SDK2: variants seen among roughly 807,000 people sequenced by gnomAD.
SDK2 encodes the protein protein sidekick-2.
SDK2 carries 105 observed loss-of-function variants against 253.9 expected under a neutral mutation model. The observed-to-expected ratio is 0.41, with a 90% CI of 0.35 to 0.49. The LOEUF (loss-of-function observed/expected upper bound fraction) is 0.49, where lower values mean the gene tolerates loss of function less well. Ranked by LOEUF, SDK2 falls within the 20% of genes least tolerant of loss-of-function variation. The pLI, the probability that SDK2 is intolerant of heterozygous loss-of-function variation, is 0.06. For missense variants in SDK2, 2,608 were observed against 3,003.0 expected, an observed-to-expected ratio of 0.87 and a Z score of 3.07; for synonymous variants, 1,249 against 1,234.9, an observed-to-expected ratio of 1.01 and a Z score of -0.24.
At chr17:73,634,990 A>T (rs1380772743) in intron 1 of SDK2, among the ~76,000 whole-genome samples, 5 of 143,506 alleles carry the variant, frequency 3.5e-5, no homozygotes, top group African/African-American at 1.3e-4. Context: ...TCAGGTTTCT[A>T]TTTTTTTTTT....
At chr17:73,624,188 T>C (rs1041920252) in intron 1 of SDK2, among the ~76,000 whole-genome samples, 2 of 152,244 alleles carry the variant, frequency 1.3e-5, no homozygotes, top group African/African-American at 2.4e-5. Context: ...GGCAAGCTGA[T>C]AGAACTGATA....
intron 1 of SDK2, among the ~76,000 whole-genome samples, chr17:73,556,376 G>C (rs1358748705): frequency 1.3e-5 from 2 of 152,064 alleles, no homozygotes; most frequent in African/African-American, 4.8e-5. Flanking sequence ...TCTTTGATTA[G>C]ACAGAGCTCA....
At chr17:73,617,642 C>A (rs1392638718) in intron 1 of SDK2, among the ~76,000 whole-genome samples, 1 of 152,160 alleles carries the variant, frequency 6.6e-6, no homozygotes, top group East Asian at 1.9e-4. Flanking sequence ...GATTTACCAA[C>A]CCCCTGCCAA....
intron 1 of SDK2, among the ~76,000 whole-genome samples, chr17:73,528,373 C>G (rs1331339944): frequency 1.3e-5 from 2 of 152,332 alleles, no homozygotes; most frequent in Non-Finnish European, 2.9e-5. Flanking sequence ...GTATGAAGAG[C>G]TTGCAATGTG....
intron 1 of SDK2, among the ~76,000 whole-genome samples, chr17:73,522,548 G>A (rs2064089852): frequency 6.6e-6 from 1 of 152,256 alleles, no homozygotes; most frequent in Admixed American, 6.5e-5. Context: ...TAGCCCATCT[G>A]TGGTAGAGGA....
At chr17:73,405,180 C>T (rs1261414686) in intron 18 of SDK2, among the ~76,000 whole-genome samples, 12 of 147,786 alleles carry the variant, frequency 8.1e-5, no homozygotes, top group Admixed American at 3.4e-4. Context: ...TGGTGGCTTA[C>T]GCCTGTAATC....
At chr17:73,346,931 C>A (rs2062489493) in intron 44 of SDK2, among the ~76,000 whole-genome samples, 1 of 152,210 alleles carries the variant, frequency 6.6e-6, no homozygotes, top group Non-Finnish European at 1.5e-5. Flanking sequence ...GGCAGGAGAA[C>A]TACCAGTGGC....
At chr17:73,408,621 T>C (rs2063100658) in intron 18 of SDK2, among the ~76,000 whole-genome samples, 1 of 152,216 alleles carries the variant, frequency 6.6e-6, no homozygotes, top group African/African-American at 2.4e-5. Flanking sequence ...GAGGAATGCA[T>C]TGAATGACCC....
At chr17:73,384,431 T>A (rs2062856133) in intron 32 of SDK2, among the ~76,000 whole-genome samples, 1 of 152,188 alleles carries the variant, frequency 6.6e-6, no homozygotes, top group Admixed American at 6.5e-5. Flanking sequence ...AGCATCTGGA[T>A]AACACTTCCT....
At chr17:73,366,944 G>T (rs1325094988) in intron 37 of SDK2, among the ~76,000 whole-genome samples, 2 of 152,150 alleles carry the variant, frequency 1.3e-5, no homozygotes, top group Non-Finnish European at 2.9e-5. Flanking sequence ...TTCTCTAAAT[G>T]TAAACCAGAC....
Position 73,447,672 on chromosome 17 carries a change from C to G in SDK2, c.556G>C (p.Val186Leu), listed in dbSNP as rs2063462959. The G allele has an allele frequency of 1.3e-6, 2 of 1,551,800 alleles. No homozygotes were observed. Among genetic ancestry groups the G allele is most frequent in the South Asian group, 2.4e-5 (2 of 84,058 alleles). ...TTGTTATCCCCGTTTTTGTCGTTAA[C>G]AGCCTGCACATAGTAGCGACCTGCG... The part of the protein sequence containing the change: ...PDAGRYYVQA[V>L]NDKNGDNKTS... The change falls in exon 5 of 45, where the codon GTT becomes CTT. Residue 186 changes from valine (V) to leucine (L), a missense_variant. By Grantham distance (32) the Val-to-Leu change is conservative (BLOSUM62 1). Around this residue, in one of 2 missense-constraint regions of SDK2, gnomAD observed 1,505 missense variants for 1,859.1 expected, o/e 0.81. Coordinates refer to ENST00000392650, the MANE Select transcript of SDK2 (RefSeq NM_001144952.2). The surrounding 1 kb of genome is among the most constrained non-coding windows in gnomAD (Gnocchi z 4.0).
In SDK2 at chr17:73,395,164, G is replaced by A. The variant is rs757774349; in HGVS notation, c.3583C>T (p.Arg1195Trp). The change falls in exon 25 of 45, where the codon CGG (arginine) becomes TGG (tryptophan). Residue 1195 changes from arginine (R) to tryptophan (W), a missense_variant. Arg to Trp is a moderately radical substitution (Grantham distance 101, BLOSUM62 -3). This residue lies in a region of SDK2 where 1,505 missense variants were observed against 1,859.1 expected (regional missense o/e 0.81). Transcript: ENST00000392650. The surrounding 1 kb of genome is among the most constrained non-coding windows in gnomAD (Gnocchi z 4.3). Reference protein sequence around the residue: ...PWSQTVVGRTRESVPSSGPTN... With the variant: ...PWSQTVVGRTWESVPSSGPTN... ...TGTGAGGGGTTGGTACCTGACTCCCGGGTCCTGCCCACCACCGTCTGGCTC... is the reference window on the plus strand; with the variant it reads ...TGTGAGGGGTTGGTACCTGACTCCCAGGTCCTGCCCACCACCGTCTGGCTC... 38 of 1,593,214 alleles carry A rather than the reference G, an allele frequency of 2.4e-5. No homozygotes were observed. Among genetic ancestry groups the A allele is most frequent in the South Asian group, 1.6e-4 (14 of 88,156 alleles).
intron 1 of SDK2, among the ~76,000 whole-genome samples, chr17:73,598,644 G>T (rs1458241366): frequency 6.9e-6 from 1 of 145,006 alleles, no homozygotes; most frequent in Non-Finnish European, 1.5e-5. Context: ...TGAGGCAGCG[G>T]GCACGACGTG....
Position 73,629,272 on chromosome 17 carries a change from G to A in SDK2, c.64+14753C>T, listed in dbSNP as rs2046240133. Among the ~76,000 whole-genome samples, 2 of 152,206 alleles carry A rather than the reference G, an allele frequency of 1.3e-5. No individual in the cohort carries two copies. The highest frequency in any genetic ancestry group is 6.5e-5 in the Admixed American group (1 of 15,288). ...CCAGAATCTGGAGCCCAAGGAGGGT[G>A]CTGGGAAGAAAGACCACAAGCCCCA... On this transcript the variant is annotated intron_variant, in intron 1 of 44. Transcript: ENST00000392650. The surrounding 1 kb of genome is among the most constrained non-coding windows in gnomAD (Gnocchi z 5.0).
chr17:73,432,814 ATGTG>A (rs2063337704), intron 10 of SDK2, among the ~76,000 whole-genome samples: 1 of 151,968 alleles, frequency 6.6e-6, no homozygotes, highest in African/African-American at 2.4e-5. Flanking sequence ...ATGTGTGCAC[ATGTG>A]TATGTACGTG....
chr17:73,446,109 T>C (rs958045430), intron 5 of SDK2, among the ~76,000 whole-genome samples: 4 of 152,192 alleles, frequency 2.6e-5, no homozygotes, highest in African/African-American at 9.6e-5. Context: ...CTGAGTCACC[T>C]AGGAGGATGC....
intron 2 of SDK2, among the ~76,000 whole-genome samples, chr17:73,506,424 C>G (rs993555385): frequency 1.3e-5 from 2 of 152,152 alleles, no homozygotes; most frequent in Admixed American, 6.5e-5. Flanking sequence ...CACACTACAC[C>G]AGCCCATGCA....
At chr17:73,365,475 G>T in intron 37 of SDK2, 80 bp from the exon 38 acceptor site, 1 of 1,420,764 alleles carries the variant, frequency 7.0e-7, no homozygotes, top group East Asian at 2.6e-5. Context: ...AGGAGCTAGC[G>T]GGAGTATTGG....
At chr17:73,423,885 C>T (rs2063255882) in intron 13 of SDK2, 31 bp downstream of exon 13, 1 of 1,518,764 alleles carries the variant, frequency 6.6e-7, no homozygotes, top group African/African-American at 1.4e-5. Context: ...CCTGGACCGC[C>T]TCTGCCGGGG....
Sources: allele counts gnomAD v4.1 joint callset (sites outside exome capture counted in the v4.1 genomes callset), GRCh38; gene constraint gnomAD v4.1.1; regional missense constraint gnomAD v4.1.1; non-coding constraint Gnocchi (gnomAD v3.1); transcripts MANE v1.5; gene names NCBI Gene and HGNC (gene_info 2026-07-23, HGNC 2026-07-21).